The following EYA2 variants were observed in gnomAD, a reference collection of about 807,000 sequenced individuals.
EYA2 encodes EYA transcriptional coactivator and phosphatase 2.
EYA2 carries 31 observed loss-of-function variants against 69.2 expected under a neutral mutation model. The ratio of observed to expected loss-of-function variants is 0.45; its 90% CI spans 0.34 to 0.60. EYA2 has a LOEUF of 0.60. EYA2 is among the 20% of genes least tolerant of loss of function. The pLI is 0.02. For synonymous variants in EYA2, 257 were observed against 279.4 expected (o/e 0.92, Z 0.80); for missense variants, 622 against 701.2 (o/e 0.89, Z 1.28).
intron 5 of EYA2, among the ~76,000 whole-genome samples, chr20:47,039,835 CTTTTT>C (rs10689930): frequency 1.4e-5 from 1 of 69,806 alleles, no homozygotes; most frequent in Non-Finnish European, 2.4e-5. Context: ...AGATCAAATA[CTTTTT>C]TTTTTTTTTT....
At chr20:47,077,747 C>T (rs1283420312) in intron 7 of EYA2, among the ~76,000 whole-genome samples, 1 of 152,166 alleles carries the variant, frequency 6.6e-6, no homozygotes. Flanking sequence ...TCATTGTGAT[C>T]TCATCCCAGA....
intron 10 of EYA2, among the ~76,000 whole-genome samples, chr20:47,153,538 CCA>C (rs1600748914): frequency 6.6e-6 from 1 of 151,706 alleles, no homozygotes; most frequent in African/African-American, 2.4e-5. Flanking sequence ...GCCTATAGTC[CCA>C]GCTACTTGGG....
intron 9 of EYA2, among the ~76,000 whole-genome samples, chr20:47,100,383 G>A (rs76396970): frequency 0.022 from 3,419 of 152,256 alleles, 108 homozygotes; most frequent in African/African-American, 0.074. Flanking sequence ...CTTAGGGGGG[G>A]TGGACATTCT....
intron 1 of EYA2, among the ~76,000 whole-genome samples, chr20:46,914,693 G>A (rs369402186): frequency 1.3e-5 from 2 of 152,154 alleles, no homozygotes; most frequent in South Asian, 2.1e-4. Flanking sequence ...TCCCTCCCAC[G>A]ACACGTGGGG....
In EYA2 at chr20:46,908,220, A is replaced by T. The variant is rs75864035; in HGVS notation, c.-11+13233A>T. On this transcript the variant is annotated intron_variant, in intron 1 of 15. Transcript: ENST00000327619. ...AAAGTCTCCTTCCTTGTGGAGCCACAGTTAAGTAGGAGAGAGAAAATAAAC... is the reference window on the plus strand; with the variant it reads ...AAAGTCTCCTTCCTTGTGGAGCCACTGTTAAGTAGGAGAGAGAAAATAAAC... 1.3e-4 allele frequency among the ~76,000 whole-genome samples: 20 copies of T among 152,352 alleles called. No individual in the cohort carries two copies. In the East Asian group the frequency reaches 3.9e-3, roughly 29 times the overall value.
intron 5 of EYA2, among the ~76,000 whole-genome samples, chr20:47,067,572 C>T (rs557396008): frequency 2.6e-5 from 4 of 151,828 alleles, no homozygotes; most frequent in Non-Finnish European, 5.9e-5. Flanking sequence ...AATATATACA[C>T]CTAATATGTA....
At chr20:47,092,759 G>A (rs961966997) in intron 8 of EYA2, among the ~76,000 whole-genome samples, 1 of 152,136 alleles carries the variant, frequency 6.6e-6, no homozygotes, top group African/African-American at 2.4e-5. Context: ...CCATTGAAAA[G>A]GTGTGAGCTG....
intron 2 of EYA2, among the ~76,000 whole-genome samples, chr20:46,992,896 C>G (rs529578748): frequency 6.6e-6 from 1 of 152,282 alleles, no homozygotes; most frequent in African/African-American, 2.4e-5. Context: ...GATTATGCCT[C>G]TCCCCCTGCC....
In EYA2 at chr20:46,991,746, G is replaced by A. The variant is rs554702880; in HGVS notation, c.109+1627G>A. ...GCACTTTGGGAGGCCAAGGCAGGCG[G>A]ATCACGAGGTCAGGAGTTCAAGACC... On this transcript the variant is annotated intron_variant, in intron 2 of 15. Transcript: ENST00000327619. Among the ~76,000 whole-genome samples, 13 of 152,178 alleles carry A rather than the reference G, an allele frequency of 8.5e-5. No individual in the cohort carries two copies. In the South Asian group the frequency reaches 2.5e-3, roughly 29 times the overall value.
chr20:47,088,481 T>C (rs6018267), intron 7 of EYA2, among the ~76,000 whole-genome samples: 99,129 of 151,944 alleles, frequency 0.65, 33,088 homozygotes, highest in Non-Finnish European at 0.72. Context: ...CATTACAGCA[T>C]CCAGTGGCCC....
At chr20:47,017,803 G>A (rs1983502330) in intron 5 of EYA2, among the ~76,000 whole-genome samples, 1 of 152,196 alleles carries the variant, frequency 6.6e-6, no homozygotes, top group Admixed American at 6.5e-5. Flanking sequence ...GGAAACTGAG[G>A]CATAGAAGGA....
intron 9 of EYA2, among the ~76,000 whole-genome samples, chr20:47,130,408 G>A (rs1246115767): frequency 2.0e-5 from 3 of 150,510 alleles, no homozygotes; most frequent in African/African-American, 4.9e-5. Context: ...GGGACTACAG[G>A]CGCCCGCCAT....
chr20:47,100,126 A>G (rs2146523907), intron 9 of EYA2, among the ~76,000 whole-genome samples: 1 of 152,340 alleles, frequency 6.6e-6, no homozygotes, highest in Admixed American at 6.5e-5. Context: ...GAAGGAAGGA[A>G]GGAAGGAAAA....
intron 5 of EYA2, among the ~76,000 whole-genome samples, 189 bp downstream of exon 5, chr20:47,016,486 G>A (rs188521606): frequency 2.6e-5 from 4 of 152,258 alleles, no homozygotes; most frequent in East Asian, 1.9e-4. Context: ...AGAGACTAAC[G>A]ATAAAGTCGG....
intron 10 of EYA2, among the ~76,000 whole-genome samples, chr20:47,158,737 C>G (rs755818341): frequency 6.6e-6 from 1 of 151,874 alleles, no homozygotes; most frequent in African/African-American, 2.4e-5. Context: ...AGGAATTGCT[C>G]AGGAAAACCC....
intron 7 of EYA2, among the ~76,000 whole-genome samples, chr20:47,078,582 C>T (rs1390317888): frequency 6.6e-6 from 1 of 152,202 alleles, no homozygotes; most frequent in Non-Finnish European, 1.5e-5. Context: ...CATTGACATG[C>T]ATTAATGTGT....
At chr20:47,074,728 C>T (rs1275585334) in intron 7 of EYA2, among the ~76,000 whole-genome samples, 1 of 152,194 alleles carries the variant, frequency 6.6e-6, no homozygotes, top group African/African-American at 2.4e-5. Context: ...TTAGAAAGGA[C>T]ACACCCAATT....
chr20:47,117,575 A>T, intron 9 of EYA2: 1 of 985,390 alleles, frequency 1.0e-6, no homozygotes, highest in Non-Finnish European at 1.2e-6. Context: ...GACTGTAGGG[A>T]TTCAATCAGA....
chr20:47,109,661 G>A (rs1157002597), intron 9 of EYA2, among the ~76,000 whole-genome samples: 1 of 152,144 alleles, frequency 6.6e-6, no homozygotes, highest in Non-Finnish European at 1.5e-5. Flanking sequence ...GGGATTACAA[G>A]CATGAGGCAC....
Sources: gnomAD v4.1 joint callset for allele counts (sites outside exome capture counted in the v4.1 genomes callset) on GRCh38, gnomAD v4.1.1 for gene constraint, MANE v1.5 for transcripts, NCBI Gene and HGNC (gene_info 2026-07-23, HGNC 2026-07-21) for gene names.